LRRC53: variants seen among roughly 807,000 people sequenced by gnomAD.
LRRC53 encodes leucine-rich repeat-containing protein 53.
A neutral mutation model predicts 13.6 loss-of-function variants in LRRC53; 25 were observed. That is an observed-to-expected ratio of 1.83 (90% CI 1.34 to 2.56). The LOEUF is 2.56. LRRC53 is among the 30% of genes most tolerant of loss of function. LRRC53 has a pLI of 0.00. For synonymous variants in LRRC53, 204 were observed against 109.8 expected (o/e 1.86, Z -5.37); for missense variants, 527 against 275.8 (o/e 1.91, Z -6.45).
intron 1 of LRRC53, among the ~76,000 whole-genome samples, chr1:74,501,352 T>C (rs1261519487): frequency 6.6e-6 from 1 of 152,204 alleles, no homozygotes; most frequent in African/African-American, 2.4e-5. Context: ...CAGGAGAGTT[T>C]AAAAAAAGCT....
intron 1 of LRRC53, among the ~76,000 whole-genome samples, chr1:74,505,553 G>A (rs893152013): frequency 6.6e-6 from 1 of 151,364 alleles, no homozygotes; most frequent in East Asian, 1.9e-4. Flanking sequence ...CTCATGGATT[G>A]TTTTTTCTTT....
At chr1:74,535,438 C>CTT in the LRRC53 span, among the ~76,000 whole-genome samples, 2 of 152,108 alleles carry the variant, frequency 1.3e-5, no homozygotes, top group African/African-American at 4.8e-5. Flanking sequence ...TCACTGCAAT[C>CTT]CAGCCTGGGT....
intron 1 of LRRC53, among the ~76,000 whole-genome samples, chr1:74,511,257 A>G (rs930417646): frequency 6.7e-6 from 1 of 150,248 alleles, no homozygotes; most frequent in Non-Finnish European, 1.5e-5. Flanking sequence ...CAATGGTGCG[A>G]TCTCGGCTCA....
chr1:74,529,055 A>G, the LRRC53 span, among the ~76,000 whole-genome samples: 6 of 152,210 alleles, frequency 3.9e-5, no homozygotes, highest in Admixed American at 1.3e-4. Context: ...AGTGACATCA[A>G]TAATATTGTA....
chr1:74,481,454 G>A (rs1005575826), intron 2 of LRRC53, among the ~76,000 whole-genome samples: 6 of 152,158 alleles, frequency 3.9e-5, no homozygotes, highest in African/African-American at 1.4e-4. Context: ...GTAAAGGTGC[G>A]AGTTGGGATG....
chr1:74,489,160 G>A (rs200314135), intron 1 of LRRC53: 3 of 1,591,920 alleles, frequency 1.9e-6, no homozygotes, highest in Non-Finnish European at 2.6e-6. Context: ...TTATTCTTAA[G>A]GGAAAAAAGT....
At chr1:74,486,201 AAGAG>A (rs58506314) in intron 1 of LRRC53, among the ~76,000 whole-genome samples, 8,341 of 136,442 alleles carry the variant, frequency 0.061, 570 homozygotes, top group African/African-American at 0.18. Context: ...AAATGCTATA[AAGAG>A]AGAGAGAGAG....
chr1:74,509,868 C>G (rs1670096781), intron 1 of LRRC53, among the ~76,000 whole-genome samples: 2 of 147,534 alleles, frequency 1.4e-5, no homozygotes, highest in Admixed American at 1.4e-4. Flanking sequence ...ATTTTCCCTC[C>G]TCAGCTCCCC....
At chr1:74,524,899 G>A in the LRRC53 span, among the ~76,000 whole-genome samples, 1 of 152,182 alleles carries the variant, frequency 6.6e-6, no homozygotes, top group Non-Finnish European at 1.5e-5. Flanking sequence ...CATTAGGATT[G>A]TTTCTAAAAG....
chr1:74,511,866 G>A (rs181460290), intron 1 of LRRC53, among the ~76,000 whole-genome samples: 4 of 152,264 alleles, frequency 2.6e-5, no homozygotes, highest in East Asian at 3.9e-4. Flanking sequence ...AGGCAGGAAA[G>A]TGGGAACCTG....
chr1:74,472,268 G>T (rs562510116), intron 4 of LRRC53, 67 bp from the exon 5 acceptor site: 4 of 688,474 alleles, frequency 5.8e-6, no homozygotes, highest in Non-Finnish European at 1.1e-5. Flanking sequence ...AAACAGATGC[G>T]TAGAAACCTT....
At chr1:74,499,092 C>T (rs1038884583) in intron 1 of LRRC53, among the ~76,000 whole-genome samples, 2 of 152,016 alleles carry the variant, frequency 1.3e-5, no homozygotes, top group Non-Finnish European at 2.9e-5. Context: ...CAGAAACATC[C>T]CAGGAATGCA....
Position 74,475,434 on chromosome 1 carries a change from C to G in LRRC53, c.1281G>C (p.Glu427Asp), listed in dbSNP as rs550961569. The change falls in exon 4 of 5, where the codon GAG becomes GAC. Residue 427 changes from glutamate to aspartate, a missense_variant. Coordinates refer to ENST00000294635, the MANE Select transcript of LRRC53 (RefSeq NM_001382280.1). ...TAAAAGCTCTCATATTTCCAGGAGG[C>G]TCTGAACATTCCGAATGCAGCAATC... Reference protein sequence around the residue: ...DGRLLHSECSEPPGNMRAFNE... With the variant: ...DGRLLHSECSDPPGNMRAFNE... 2.0e-5 allele frequency: 14 copies of G among 717,094 alleles called. No homozygotes were observed. Among genetic ancestry groups the G allele is most frequent in the South Asian group, 1.9e-4 (13 of 67,570 alleles). 44.4% of individuals were successfully genotyped at this position (717,094 alleles called of 1,614,324 possible). A position where few individuals can be genotyped will look rare whatever the true frequency, so the allele number is the denominator to read the frequency against.
chr1:74,497,457 G>T (rs1669385777), intron 1 of LRRC53, among the ~76,000 whole-genome samples: 1 of 151,952 alleles, frequency 6.6e-6, no homozygotes, highest in African/African-American at 2.4e-5. Flanking sequence ...AGCAATTTCA[G>T]CACCTTGCTC....
the LRRC53 span, among the ~76,000 whole-genome samples, chr1:74,534,454 G>T: frequency 6.6e-6 from 1 of 152,064 alleles, no homozygotes; most frequent in Admixed American, 6.6e-5. Flanking sequence ...ATGATTCATT[G>T]CTCCAATACC....
chr1:74,473,968 G>A (rs1368831716), intron 4 of LRRC53, among the ~76,000 whole-genome samples: 3 of 152,202 alleles, frequency 2.0e-5, no homozygotes, highest in African/African-American at 7.2e-5. Context: ...ACCGATTTCT[G>A]TTCTGGAGCA....
intron 3 of LRRC53, among the ~76,000 whole-genome samples, chr1:74,478,170 T>C (rs960170375): frequency 2.0e-5 from 3 of 152,052 alleles, no homozygotes; most frequent in Non-Finnish European, 4.4e-5. Context: ...TCAGAAAGAG[T>C]GGAATCTTAA....
chr1:74,515,379 A>G (rs1646334974), upstream of LRRC53, among the ~76,000 whole-genome samples: 1 of 152,190 alleles, frequency 6.6e-6, no homozygotes, highest in Non-Finnish European at 1.5e-5. Context: ...ATGAGACTTG[A>G]AAGACATTTT....
upstream of LRRC53, among the ~76,000 whole-genome samples, chr1:74,514,694 C>T (rs1438682849): frequency 6.6e-6 from 1 of 152,100 alleles, no homozygotes; most frequent in Admixed American, 6.6e-5. Flanking sequence ...CATGTGTGCT[C>T]TTTTTAGGAC....
Sources: gnomAD v4.1 joint callset for allele counts (sites outside exome capture counted in the v4.1 genomes callset) on GRCh38, gnomAD v4.1.1 for gene constraint, MANE v1.5 for transcripts, NCBI Gene and HGNC (gene_info 2026-07-23, HGNC 2026-07-21) for gene names.